The following SAMD12 variants were observed in gnomAD, a reference collection of about 807,000 sequenced individuals.
The protein encoded by SAMD12 is sterile alpha motif domain-containing protein 12.
A neutral mutation model predicts 15.0 loss-of-function variants in SAMD12; 9 were observed. The observed-to-expected ratio is 0.60, with a 90% confidence interval of 0.36 to 1.05. The LOEUF is 1.05. Among genes scored for constraint, SAMD12 ranks in the 50% least tolerant of loss-of-function variants. SAMD12 has a pLI of 0.01. For missense variants in SAMD12, 230 were observed against 234.2 expected (o/e 0.98, Z 0.12); for synonymous variants, 86 against 90.1 (o/e 0.96, Z 0.25).
At chr8:118,240,815 C>T (rs1472594139) in intron 4 of SAMD12, among the ~76,000 whole-genome samples, 1 of 152,084 alleles carries the variant, frequency 6.6e-6, no homozygotes, top group African/African-American at 2.4e-5. Flanking sequence ...CTTGAGATTG[C>T]CCGTGGTGCT....
intron 4 of SAMD12, among the ~76,000 whole-genome samples, chr8:118,331,375 T>C (rs889421483): frequency 1.4e-4 from 22 of 152,328 alleles, no homozygotes; most frequent in African/African-American, 4.8e-4. Flanking sequence ...GCTTTTACTA[T>C]GGACTTACTG....
At chr8:118,396,917 T>A (rs1563827534) in intron 3 of SAMD12, among the ~76,000 whole-genome samples, 1 of 152,080 alleles carries the variant, frequency 6.6e-6, no homozygotes, top group Non-Finnish European at 1.5e-5. Context: ...AAGGACTTGG[T>A]GAGAAATGAG....
At position 118,454,547 on chromosome 8, in the gene SAMD12, C is replaced by A. The variant is rs1050140552; in HGVS notation, c.193-14586G>T. Among the ~76,000 whole-genome samples, 9 of 152,296 alleles carry A rather than the reference C, an allele frequency of 5.9e-5. No homozygotes were observed. The East Asian group carries it at 1.7e-3, about 29-fold the overall frequency. On this transcript the variant is annotated intron_variant, in intron 2 of 3. Coordinates refer to ENST00000314727, the MANE Select transcript of SAMD12 (RefSeq NM_207506.3). Reference sequence around the variant, plus strand: ...TTCCCTACTCTGTTTACTCTGCTCTCTTTTCTAGAATGTCTATTACTAAAT... The same window carrying A: ...TTCCCTACTCTGTTTACTCTGCTCTATTTTCTAGAATGTCTATTACTAAAT...
chr8:118,309,178 G>A (rs1815500371), intron 4 of SAMD12, among the ~76,000 whole-genome samples: 1 of 152,076 alleles, frequency 6.6e-6, no homozygotes, highest in Non-Finnish European at 1.5e-5. Flanking sequence ...AAAGTCCATT[G>A]TATTATTCTT....
intron 2 of SAMD12, among the ~76,000 whole-genome samples, chr8:118,488,227 AT>A (rs11324588): frequency 0.53 from 80,926 of 151,426 alleles, 22,994 homozygotes; most frequent in African/African-American, 0.74. Context: ...TAATTTTACC[AT>A]TTTTTTTTCA....
intron 2 of SAMD12, among the ~76,000 whole-genome samples, chr8:118,546,794 G>C (rs1472610801): frequency 1.3e-5 from 2 of 152,136 alleles, no homozygotes; most frequent in African/African-American, 4.8e-5. Context: ...CAGAAGGAAT[G>C]CATTACACAG....
chr8:118,197,570 G>GACCCATTCA, exon 5 of SAMD12: 1 of 801,352 alleles, frequency 1.2e-6, no homozygotes. Context: ...TGACTGAATG[G>GACCCATTCA]GTGCTTTTTT....
intron 2 of SAMD12, among the ~76,000 whole-genome samples, chr8:118,558,681 C>T (rs1194018813): frequency 1.3e-5 from 2 of 152,186 alleles, no homozygotes; most frequent in African/African-American, 4.8e-5. Context: ...GCCTCAGCCT[C>T]CCGAGTAGCT....
rs570675530 is a variant in SAMD12 at position 118,614,928 on chromosome 8, T to A, written c.13+6876A>T. The stretch of plus-strand genomic sequence containing the variant: ...TCCACTTCAGAAAACTGGGGAGGAA[T>A]CAACTTGATTTACAAGAGAGCAGCT... On this transcript the variant is annotated intron_variant, in intron 1 of 3. Transcript: ENST00000314727. Among the ~76,000 whole-genome samples, 5 of 152,290 alleles carry A rather than the reference T, an allele frequency of 3.3e-5. No individual in the cohort carries two copies. The South Asian group carries it at 1.0e-3, about 32-fold the overall frequency.
chr8:118,547,592 A>G (rs1676959684), intron 2 of SAMD12, among the ~76,000 whole-genome samples: 1 of 152,176 alleles, frequency 6.6e-6, no homozygotes, highest in Non-Finnish European at 1.5e-5. Flanking sequence ...TAACTGAGCA[A>G]TGATCTATCC....
At chr8:118,240,623 C>T (rs543156335) in intron 4 of SAMD12, among the ~76,000 whole-genome samples, 3 of 152,180 alleles carry the variant, frequency 2.0e-5, no homozygotes, top group Non-Finnish European at 4.4e-5. Context: ...TGCTTGGCAC[C>T]TAGTACGTAG....
intron 2 of SAMD12, among the ~76,000 whole-genome samples, chr8:118,540,416 T>C (rs967622876): frequency 3.3e-5 from 5 of 152,202 alleles, no homozygotes; most frequent in African/African-American, 1.2e-4. Flanking sequence ...TCAGTCTCCC[T>C]TGCACTCCCA....
intron 3 of SAMD12, among the ~76,000 whole-genome samples, chr8:118,411,087 T>C (rs1211639237): frequency 2.0e-5 from 3 of 152,186 alleles, no homozygotes; most frequent in Admixed American, 1.3e-4. Context: ...CTGTTGAGTA[T>C]AGTATTTTAG....
chr8:118,184,913 T>A (rs1163474925), downstream of SAMD12, among the ~76,000 whole-genome samples: 4 of 152,118 alleles, frequency 2.6e-5, no homozygotes, highest in Non-Finnish European at 5.9e-5. Flanking sequence ...CTTTTTTTTT[T>A]TTTTGAAATC....
intron 2 of SAMD12, among the ~76,000 whole-genome samples, chr8:118,483,008 T>C (rs1824171096): frequency 6.6e-6 from 1 of 152,228 alleles, no homozygotes. Context: ...CTGCAAAGTA[T>C]TTTTAAAGTA....
At chr8:118,156,833 G>A in the SAMD12 span, among the ~76,000 whole-genome samples, 2 of 152,142 alleles carry the variant, frequency 1.3e-5, no homozygotes, top group African/African-American at 4.8e-5. Flanking sequence ...AAGGAGCAAA[G>A]ACTCAAACAG....
intron 4 of SAMD12, among the ~76,000 whole-genome samples, chr8:118,228,277 T>C (rs1409514051): frequency 1.3e-5 from 2 of 151,998 alleles, no homozygotes; most frequent in African/African-American, 2.4e-5. Flanking sequence ...CAAAGATAAA[T>C]AGCTGGGACC....
chr8:118,195,191 T>A (rs1390317592), exon 5 of SAMD12: 1 of 152,210 alleles, frequency 6.6e-6, no homozygotes, highest in African/African-American at 2.4e-5. Context: ...TAAGTAACAA[T>A]GAACCACCAT....
chr8:118,470,764 T>A (rs1009864565), intron 2 of SAMD12, among the ~76,000 whole-genome samples: 2 of 152,220 alleles, frequency 1.3e-5, no homozygotes, highest in Non-Finnish European at 2.9e-5. Context: ...CATATTAGAA[T>A]ATGTGAATTC....
Sources: gnomAD v4.1 joint callset for allele counts (sites outside exome capture counted in the v4.1 genomes callset) on GRCh38, gnomAD v4.1.1 for gene constraint, MANE v1.5 for transcripts, NCBI Gene and HGNC (gene_info 2026-07-23, HGNC 2026-07-21) for gene names.